The following SSBP3 variants were observed in gnomAD, a reference collection of about 807,000 sequenced individuals.
SSBP3 encodes single-stranded DNA-binding protein 3.
A neutral mutation model predicts 69.6 loss-of-function variants in SSBP3; 5 were observed. That is an observed-to-expected ratio of 0.07 (90% CI 0.04 to 0.15). The LOEUF is 0.15. Among genes scored for constraint, SSBP3 ranks in the 10% least tolerant of loss-of-function variants. The pLI is 1.00. For missense variants in SSBP3, 312 were observed against 534.0 expected, an observed-to-expected ratio of 0.58 and a Z score of 4.10; for synonymous variants, 196 against 193.4, an observed-to-expected ratio of 1.01 and a Z score of -0.11.
intron 13 of SSBP3, among the ~76,000 whole-genome samples, chr1:54,240,117 CGCGCA>C (rs1429064328): frequency 0.015 from 39 of 2,632 alleles, no homozygotes; most frequent in Admixed American, 0.045. Flanking sequence ...TGCGCGCGCG[CGCGCA>C]ACACATGCCC....
chr1:54,305,097 C>T (rs866968467), intron 4 of SSBP3, among the ~76,000 whole-genome samples: 6 of 152,278 alleles, frequency 3.9e-5, no homozygotes, highest in South Asian at 2.1e-4. Flanking sequence ...GGAGGCGTGG[C>T]GTGGGAGGCC....
intron 9 of SSBP3, among the ~76,000 whole-genome samples, chr1:54,248,603 A>C (rs1165084470): frequency 2.0e-5 from 3 of 152,008 alleles, no homozygotes; most frequent in Non-Finnish European, 4.4e-5. Flanking sequence ...CCCTCTCCCT[A>C]CCCTCCACCT....
intron 13 of SSBP3, among the ~76,000 whole-genome samples, chr1:54,240,089 CGCGCGCGCGCGT>C (rs1419384712): frequency 0.033 from 1,369 of 42,028 alleles, 37 homozygotes; most frequent in African/African-American, 0.15. Context: ...TGTGTGTGTG[CGCGCGCGCGCGT>C]GTGCGTGCGC....
intron 13 of SSBP3, among the ~76,000 whole-genome samples, chr1:54,240,111 CGCGCGCGCGCAACACAT>C (rs1262294315): frequency 3.8e-4 from 1 of 2,606 alleles, no homozygotes; most frequent in Non-Finnish European, 9.1e-4. Context: ...TGTGCGTGCG[CGCGCGCGCGCAACACAT>C]GCCCACGTAT....
At chr1:54,381,534 C>T (rs1647654736) in intron 4 of SSBP3, among the ~76,000 whole-genome samples, 1 of 152,050 alleles carries the variant, frequency 6.6e-6, no homozygotes, top group Non-Finnish European at 1.5e-5. Context: ...ATTTTTGTTT[C>T]AGCTACATCT....
intron 4 of SSBP3, among the ~76,000 whole-genome samples, chr1:54,297,504 G>A (rs1381742762): frequency 3.3e-5 from 5 of 152,178 alleles, no homozygotes; most frequent in Non-Finnish European, 5.9e-5. Flanking sequence ...GGTGGTGCCT[G>A]CCTGTAATCT....
intron 4 of SSBP3, among the ~76,000 whole-genome samples, chr1:54,362,767 G>T (rs982057169): frequency 2.6e-5 from 4 of 152,164 alleles, no homozygotes; most frequent in Non-Finnish European, 5.9e-5. Flanking sequence ...CTAAACATTT[G>T]TCTGAGCATC....
exon 10 of SSBP3, chr1:54,243,255 G>C: frequency 6.2e-7 from 1 of 1,613,912 alleles, no homozygotes; most frequent in Non-Finnish European, 8.5e-7. Context: ...CGGGCATGGC[G>C]GGGCCGAGGG....
rs1164351360 is a variant in SSBP3 at position 54,364,729 on chromosome 1, T to C, written c.276+37132A>G. Among the ~76,000 whole-genome samples the C allele has an allele frequency of 5.3e-5, 8 of 152,262 alleles. No homozygotes were observed. In the South Asian group the frequency reaches 1.0e-3, roughly 20 times the overall value. On this transcript the variant is annotated intron_variant, in intron 4 of 17. Transcript: ENST00000610401. ...CCCATTCCACACACCCAAAAGCACG[T>C]GTGCTAATGATCAATCCTGCCTCTC...
chr1:54,253,977 T>C (rs1193759980), intron 7 of SSBP3, among the ~76,000 whole-genome samples: 1 of 152,208 alleles, frequency 6.6e-6, no homozygotes, highest in African/African-American at 2.4e-5. Context: ...GGAGGTCGCG[T>C]CCCTCACTGA....
At chr1:54,233,831 C>T (rs1644435677) in intron 14 of SSBP3, among the ~76,000 whole-genome samples, 1 of 152,194 alleles carries the variant, frequency 6.6e-6, no homozygotes, top group South Asian at 2.1e-4. Flanking sequence ...GCCCGGCCAC[C>T]ACCCCGTCTG....
exon 5 of SSBP3, chr1:54,281,488 G>T: frequency 6.4e-7 from 1 of 1,571,394 alleles, no homozygotes; most frequent in Non-Finnish European, 8.6e-7. Context: ...TCGTTGGGGG[G>T]AATGTTGCCA....
chr1:54,294,155 AAAAAAAAGAAAGAAAG>A lies in SSBP3; in HGVS notation c.277-12644_277-12629del, dbSNP rs1396078269. On this transcript the variant is annotated intron_variant, in intron 4 of 17. Coordinates refer to ENST00000610401, the Ensembl canonical transcript of SSBP3. ...GAGACTCCATCTCAAAAAAAAAAAAAAAAAAAAGAAAGAAAGAAAGAAAGAAAGAAAGAAAGAAAAG... is the reference window on the plus strand; with the variant it reads ...GAGACTCCATCTCAAAAAAAAAAAAAAAAGAAAGAAAGAAAGAAAGAAAAG... 8.9e-5 allele frequency among the ~76,000 whole-genome samples: 9 copies of A among 101,508 alleles called. 1 individual carries two copies. The highest frequency in any genetic ancestry group is 6.6e-5 in the African/African-American group (2 of 30,386). The allele number at this position is 101,508 out of a possible 152,430, so 66.6% of individuals were successfully genotyped here. A position where few individuals can be genotyped will look rare whatever the true frequency, so the allele number is the denominator to read the frequency against.
At chr1:54,362,180 T>C (rs1208498346) in intron 4 of SSBP3, among the ~76,000 whole-genome samples, 1 of 152,240 alleles carries the variant, frequency 6.6e-6, no homozygotes, top group South Asian at 2.1e-4. Context: ...GCAAGAAAGA[T>C]CTCTCCCTTT....
intron 4 of SSBP3, among the ~76,000 whole-genome samples, chr1:54,387,713 A>AT (rs772601609): frequency 5.3e-5 from 8 of 152,144 alleles, no homozygotes; most frequent in African/African-American, 9.7e-5. Context: ...ACTGTTGACA[A>AT]TTTGTTTTCA....
chr1:54,263,399 T>A (rs1192868942), intron 5 of SSBP3, among the ~76,000 whole-genome samples: 1 of 152,054 alleles, frequency 6.6e-6, no homozygotes, highest in African/African-American at 2.4e-5. Context: ...GCTCCTCCGG[T>A]TCATTCGGAG....
intron 4 of SSBP3, among the ~76,000 whole-genome samples, chr1:54,288,586 T>TGGGG (rs34312035): frequency 8.0e-6 from 1 of 125,594 alleles, no homozygotes; most frequent in African/African-American, 2.8e-5. Flanking sequence ...TCAGCAGGGG[T>TGGGG]GGGGGGGGGG....
chr1:54,409,486 C>T (rs1274941090), upstream of SSBP3, among the ~76,000 whole-genome samples: 1 of 152,072 alleles, frequency 6.6e-6, no homozygotes, highest in Non-Finnish European at 1.5e-5. Flanking sequence ...TCAGTGCAGG[C>T]ACCAGGAGCC....
chr1:54,406,383 CGCCGCT>C (rs1475306559), exon 1 of SSBP3: 11 of 164,500 alleles, frequency 6.7e-5, no homozygotes, highest in Admixed American at 1.3e-4. Context: ...CCGCCGCCGC[CGCCGCT>C]GGTCTACTTG....
Sources: allele counts gnomAD v4.1 joint callset (sites outside exome capture counted in the v4.1 genomes callset), GRCh38; gene constraint gnomAD v4.1.1; transcripts MANE v1.5; gene names NCBI Gene and HGNC (gene_info 2026-07-23, HGNC 2026-07-21).